SLC9A7: variants seen among roughly 807,000 people sequenced by gnomAD.
SLC9A7 encodes the protein sodium/hydrogen exchanger 7.
Under a neutral mutation model 52.6 loss-of-function variants are expected in SLC9A7, and 19 were observed. The ratio of observed to expected loss-of-function variants is 0.36; its 90% confidence interval spans 0.25 to 0.53. The LOEUF (loss-of-function observed/expected upper bound fraction) is 0.53, where lower values mean the gene tolerates loss of function less well. SLC9A7 is among the 20% of genes least tolerant of loss of function. The probability of loss-of-function intolerance (pLI) is 0.91; values close to 1 mark genes in which losing one functional copy is unlikely to be tolerated. For synonymous variants in SLC9A7, 226 were observed against 252.1 expected (o/e 0.90, Z 0.98); for missense variants, 455 against 597.9 (o/e 0.76, Z 2.49).
At position 46,672,111 on chromosome X, in the gene SLC9A7, C is replaced by T. The variant is rs985156908; in HGVS notation, c.680+440G>A. Among the ~76,000 whole-genome samples the T allele has an allele frequency of 4.5e-5, 5 of 112,147 alleles. No individual in the cohort carries two copies. In the Admixed American group the frequency reaches 4.7e-4, roughly 11 times the overall value. On this transcript the variant is annotated intron_variant, in intron 4 of 16. Transcript: ENST00000616978. ...CAATGTTATTTGTTTTGTCGTTCTT[C>T]AGCCATTGTGGGGCGGCTTTGACCA...
intron 1 of SLC9A7, among the ~76,000 whole-genome samples, chrX:46,711,732 C>G (rs2146937766): frequency 9.1e-6 from 1 of 110,313 alleles, no homozygotes; most frequent in East Asian, 2.8e-4. Flanking sequence ...CATAAGTATT[C>G]CTGGGATGAA....
At chrX:46,646,719 T>G in intron 11 of SLC9A7, 1 of 296,292 alleles carries the variant, frequency 3.4e-6, no homozygotes. Context: ...ACAACGAGAA[T>G]AGCAGTCAGC....
chrX:46,651,130 T>C lies in SLC9A7; in HGVS notation c.1330A>G (p.Ile444Val), dbSNP rs144546494. 324 of 1,203,978 alleles carry C rather than the reference T, an allele frequency of 2.7e-4. No homozygotes were observed. The highest frequency in any genetic ancestry group is 6.6e-4 in the South Asian group (37 of 56,407). Residue 444 changes from isoleucine to valine, a missense_variant, in exon 10 of 17, where the codon ATT becomes GTT. Transcript: ENST00000616978. ...GATACAAAAGCTCCGATGATGAAAA[T>C]GGGGCTGAAAACGTGCTTCTGGAAG... ...FTFQKHVFSP[I>V]FIIGAFVAIF...
Position 46,743,934 on chromosome X carries a change from T to A in SLC9A7, c.325+14771A>T, listed in dbSNP as rs759955001. 2.7e-5 allele frequency among the ~76,000 whole-genome samples: 3 copies of A among 112,279 alleles called. No homozygotes were observed. The South Asian group carries it at 1.1e-3, about 42-fold the overall frequency. On this transcript the variant is annotated intron_variant, in intron 1 of 16. Coordinates refer to ENST00000616978, the MANE Select transcript of SLC9A7 (RefSeq NM_001257291.2). ...GTTCCAAGTGCAACTCAGTGCCTGA[T>A]GTAAAAGTTACATTCAGGTTCAGCA... is the stretch of plus-strand genomic sequence containing the variant.
At chrX:46,733,629 A>C (rs1251189343) in intron 1 of SLC9A7, among the ~76,000 whole-genome samples, 3 of 111,339 alleles carry the variant, frequency 2.7e-5, no homozygotes, top group Non-Finnish European at 3.8e-5. Context: ...TAATGGAGTT[A>C]GAATCAAAGA....
intron 15 of SLC9A7, among the ~76,000 whole-genome samples, chrX:46,615,295 C>A (rs192451305): frequency 8.9e-6 from 1 of 112,396 alleles, no homozygotes; most frequent in Non-Finnish European, 1.9e-5. Context: ...CTCGCCTCGG[C>A]CTCCCAAAAT....
intron 1 of SLC9A7, among the ~76,000 whole-genome samples, chrX:46,695,878 T>C (rs1329017465): frequency 1.8e-5 from 2 of 111,769 alleles, no homozygotes; most frequent in African/African-American, 6.5e-5. Flanking sequence ...CACAATGAAA[T>C]ATATAACAAG....
At chrX:46,635,973 C>T (rs754748717) in intron 12 of SLC9A7, among the ~76,000 whole-genome samples, 7 of 111,562 alleles carry the variant, frequency 6.3e-5, no homozygotes, top group Non-Finnish European at 1.1e-4. Flanking sequence ...TTCAGAAATT[C>T]ATTTGTTTAT....
At chrX:46,720,739 T>C (rs1227956842) in intron 1 of SLC9A7, among the ~76,000 whole-genome samples, 2 of 111,527 alleles carry the variant, frequency 1.8e-5, no homozygotes, top group Non-Finnish European at 3.8e-5. Context: ...TACCTGGCAT[T>C]ATTGTCCTCC....
chrX:46,694,347 A>T (rs1182859109), intron 1 of SLC9A7, among the ~76,000 whole-genome samples: 1 of 110,949 alleles, frequency 9.0e-6, no homozygotes, highest in Non-Finnish European at 1.9e-5. Context: ...AACTGCAGAC[A>T]CATATTTGAT....
intron 1 of SLC9A7, among the ~76,000 whole-genome samples, chrX:46,733,707 G>A (rs1316943564): frequency 1.8e-5 from 2 of 110,372 alleles, no homozygotes; most frequent in African/African-American, 6.6e-5. Context: ...GATGACTATT[G>A]TAATCCCTAG....
At chrX:46,644,503 G>C (rs1943456619) in intron 11 of SLC9A7, among the ~76,000 whole-genome samples, 1 of 111,041 alleles carries the variant, frequency 9.0e-6, no homozygotes, top group Non-Finnish European at 1.9e-5. Context: ...AGGCATGATG[G>C]CATGTGCCTG....
intron 1 of SLC9A7, among the ~76,000 whole-genome samples, chrX:46,739,339 A>G (rs1417634751): frequency 9.0e-6 from 1 of 111,454 alleles, no homozygotes; most frequent in Non-Finnish European, 1.9e-5. Context: ...TACACACCAG[A>G]ATAGGTATTC....
intron 2 of SLC9A7, among the ~76,000 whole-genome samples, chrX:46,680,074 G>C (rs901106919): frequency 2.7e-5 from 3 of 111,919 alleles, no homozygotes; most frequent in African/African-American, 9.8e-5. Context: ...ATCTTGGCCA[G>C]GCACGGTGGC....
intron 14 of SLC9A7, among the ~76,000 whole-genome samples, chrX:46,621,515 A>T (rs977607801): frequency 1.8e-5 from 2 of 111,756 alleles, no homozygotes; most frequent in Non-Finnish European, 3.8e-5. Context: ...CAAACTAGTT[A>T]AGGCTTCTCT....
intron 3 of SLC9A7, among the ~76,000 whole-genome samples, chrX:46,673,931 T>C (rs928616964): frequency 1.8e-5 from 2 of 112,546 alleles, no homozygotes; most frequent in African/African-American, 6.5e-5. Context: ...GGACACATTA[T>C]GTTTGCCTCT....
At chrX:46,753,658 T>G (rs1922396406) in intron 1 of SLC9A7, among the ~76,000 whole-genome samples, 1 of 111,940 alleles carries the variant, frequency 8.9e-6, no homozygotes, top group Admixed American at 9.6e-5. Flanking sequence ...GATAGATTTC[T>G]GAAAGTCCAA....
At chrX:46,695,621 C>A in intron 1 of SLC9A7, among the ~76,000 whole-genome samples, 1 of 111,772 alleles carries the variant, frequency 8.9e-6, no homozygotes, top group Non-Finnish European at 1.9e-5. Context: ...GCTTTGTAGT[C>A]CCACTGCACT....
chrX:46,651,461 A>G lies in SLC9A7; in HGVS notation c.1148-57T>C, dbSNP rs746172543. 18 of 977,569 alleles carry G rather than the reference A, an allele frequency of 1.8e-5. No individual in the cohort carries two copies. The South Asian group carries it at 3.5e-4, about 19-fold the overall frequency. 80.6% of individuals were successfully genotyped at this position (977,569 alleles called of 1,213,427 possible). A position where few individuals can be genotyped will look rare whatever the true frequency, so the allele number is the denominator to read the frequency against. On this transcript the variant is annotated intron_variant, in intron 8 of 16. Coordinates refer to ENST00000616978, the MANE Select transcript of SLC9A7 (RefSeq NM_001257291.2). ...GGAAAAAAAAGAGGCAGGGGAAAAA[A>G]AAAACCCTGCTAGAACAAAAAGTTA...
Sources: gnomAD v4.1 joint callset for allele counts (sites outside exome capture counted in the v4.1 genomes callset) on GRCh38, gnomAD v4.1.1 for gene constraint, MANE v1.5 for transcripts, NCBI Gene and HGNC (gene_info 2026-07-23, HGNC 2026-07-21) for gene names.